ERG: variants seen among roughly 807,000 people sequenced by gnomAD.
ERG encodes the protein transcriptional regulator ERG.
ERG carries 9 observed loss-of-function variants against 55.3 expected under a neutral mutation model. The observed-to-expected ratio is 0.16, with a 90% CI of 0.10 to 0.28. The LOEUF (loss-of-function observed/expected upper bound fraction) is 0.28. Among genes scored for constraint, ERG ranks in the 10% least tolerant of loss-of-function variants. The pLI, the probability that ERG is intolerant of heterozygous loss-of-function variation, is 1.00. For synonymous variants in ERG, 223 were observed against 237.3 expected (o/e 0.94, Z 0.55); for missense variants, 434 against 631.6 (o/e 0.69, Z 3.35).
chr21:38,477,440 A>G (rs2059199463), intron 1 of ERG, among the ~76,000 whole-genome samples: 1 of 152,088 alleles, frequency 6.6e-6, no homozygotes, highest in East Asian at 1.9e-4. Flanking sequence ...CCGAGAAGTT[A>G]TTGGTTTTCA....
At chr21:38,514,093 C>T (rs1335495177) in intron 2 of ERG, among the ~76,000 whole-genome samples, 1 of 151,628 alleles carries the variant, frequency 6.6e-6, no homozygotes, top group African/African-American at 2.4e-5. Flanking sequence ...AAAACCTGAA[C>T]TCCTATAATT....
At chr21:38,505,153 G>A (rs1238231929) in intron 2 of ERG, among the ~76,000 whole-genome samples, 2 of 152,132 alleles carry the variant, frequency 1.3e-5, no homozygotes, top group Non-Finnish European at 1.5e-5. Flanking sequence ...ATGAAGCGAA[G>A]GCAAAAAATC....
At chr21:38,553,010 A>T (rs903346551) in intron 2 of ERG, among the ~76,000 whole-genome samples, 1 of 152,136 alleles carries the variant, frequency 6.6e-6, no homozygotes, top group Admixed American at 6.5e-5. Flanking sequence ...TACAAAATCA[A>T]TGTACAAAAA....
At chr21:38,582,567 T>A (rs545684045) in intron 1 of ERG, among the ~76,000 whole-genome samples, 3 of 152,224 alleles carry the variant, frequency 2.0e-5, no homozygotes, top group Admixed American at 6.5e-5. Flanking sequence ...AGTTGAACCA[T>A]TGTTTGATTA....
rs377018311 is a variant in ERG at position 38,423,781 on chromosome 21, A to G, written c.237-220T>C. On this transcript the variant is annotated intron_variant, in intron 2 of 9. Transcript: ENST00000288319. Reference sequence around the variant, plus strand: ...GGTGGGCGGATCATGAGGTCAAGAGATCCAGACCATCCTGGCCAACATGGT... The same window carrying G: ...GGTGGGCGGATCATGAGGTCAAGAGGTCCAGACCATCCTGGCCAACATGGT... Among the ~76,000 whole-genome samples, 39 of 152,082 alleles carry G rather than the reference A, an allele frequency of 2.6e-4. No individual in the cohort carries two copies. The East Asian group carries it at 6.8e-3, about 27-fold the overall frequency.
upstream of ERG, among the ~76,000 whole-genome samples, chr21:38,499,787 GAGA>G (rs914284715): frequency 5.5e-5 from 8 of 146,138 alleles, no homozygotes; most frequent in East Asian, 2.2e-4. Flanking sequence ...AGAAAAAATG[GAGA>G]AGGAGAAAGG....
intron 1 of ERG, among the ~76,000 whole-genome samples, chr21:38,653,348 A>G (rs1427506324): frequency 2.0e-5 from 3 of 152,256 alleles, no homozygotes; most frequent in South Asian, 4.1e-4. Flanking sequence ...TGCCTTTCCC[A>G]GGATCCGGAG....
chr21:38,621,610 A>G (rs1161407394), intron 1 of ERG, among the ~76,000 whole-genome samples: 1 of 152,150 alleles, frequency 6.6e-6, no homozygotes, highest in Non-Finnish European at 1.5e-5. Flanking sequence ...TGCTGTTACA[A>G]ATTACTGAGA....
chr21:38,546,581 T>G (rs1338314056), intron 2 of ERG, among the ~76,000 whole-genome samples: 2 of 152,180 alleles, frequency 1.3e-5, no homozygotes, highest in East Asian at 3.9e-4. Context: ...GATACACAGT[T>G]TTCGACTGCT....
chr21:38,519,267 A>G (rs902793348), intron 2 of ERG, among the ~76,000 whole-genome samples: 4 of 152,200 alleles, frequency 2.6e-5, no homozygotes, highest in Non-Finnish European at 5.9e-5. Context: ...TAATGAAAGA[A>G]TTTACAACGG....
rs1328372364 is a variant in ERG at position 38,380,328 on chromosome 21, A to G, written c.*3075T>C. ...ACATCTGTGCAGAAGGCTTAGGAGAAGCAGTGAGCCTTCTAACTGCAGCAG... is the reference window on the plus strand; with the variant it reads ...ACATCTGTGCAGAAGGCTTAGGAGAGGCAGTGAGCCTTCTAACTGCAGCAG... On this transcript the variant is annotated 3_prime_UTR_variant, in exon 10 of 10. Coordinates refer to ENST00000288319, the MANE Select transcript of ERG (RefSeq NM_182918.4). The G allele has an allele frequency of 9.5e-7, 1 of 1,057,256 alleles. No homozygotes were observed. The highest frequency in any genetic ancestry group is 1.7e-5 in the African/African-American group (1 of 60,598). The allele number at this position is 1,057,256 out of a possible 1,614,324, so 65.5% of individuals were successfully genotyped here.
chr21:38,529,504 AT>A (rs1420691820), intron 2 of ERG, among the ~76,000 whole-genome samples: 1 of 152,192 alleles, frequency 6.6e-6, no homozygotes, highest in African/African-American at 2.4e-5. Context: ...TGGTTATCCT[AT>A]TATTAATACT....
downstream of ERG, among the ~76,000 whole-genome samples, chr21:38,375,348 T>C (rs542278948): frequency 1.1e-4 from 16 of 152,356 alleles, no homozygotes; most frequent in African/African-American, 3.4e-4. Context: ...GGTGCATGCA[T>C]GTCTTGTCTT....
chr21:38,511,242 A>G (rs372577976), intron 2 of ERG, among the ~76,000 whole-genome samples: 3 of 152,356 alleles, frequency 2.0e-5, no homozygotes, highest in East Asian at 1.9e-4. Flanking sequence ...TTGAACATTC[A>G]ATCAATATTT....
intron 1 of ERG, among the ~76,000 whole-genome samples, chr21:38,636,882 T>C (rs2060392657): frequency 6.6e-6 from 1 of 152,188 alleles, no homozygotes; most frequent in South Asian, 2.1e-4. Context: ...AAAATATTTA[T>C]TAGGTAATAC....
At chr21:38,553,556 C>T (rs1281873992) in intron 2 of ERG, among the ~76,000 whole-genome samples, 3 of 152,096 alleles carry the variant, frequency 2.0e-5, no homozygotes, top group Admixed American at 1.3e-4. Context: ...TAATCTTCAA[C>T]AAAGTAGACA....
chr21:38,397,145 T>C (rs1988260213), intron 6 of ERG, among the ~76,000 whole-genome samples: 1 of 152,258 alleles, frequency 6.6e-6, no homozygotes, highest in East Asian at 1.9e-4. Flanking sequence ...TGGCAGGGCA[T>C]GTTCACATGT....
intron 2 of ERG, among the ~76,000 whole-genome samples, chr21:38,561,981 TA>T (rs780147682): frequency 6.6e-6 from 1 of 152,162 alleles, no homozygotes; most frequent in African/African-American, 2.4e-5. Flanking sequence ...TTTAAAATAA[TA>T]AAAAAACTTT....
At chr21:38,415,054 T>C (rs1023425415) in intron 3 of ERG, among the ~76,000 whole-genome samples, 7 of 152,228 alleles carry the variant, frequency 4.6e-5, no homozygotes, top group African/African-American at 1.4e-4. Context: ...TCTACAACAA[T>C]TTAACAAACA....
Sources: gnomAD v4.1 joint callset for allele counts (sites outside exome capture counted in the v4.1 genomes callset) on GRCh38, gnomAD v4.1.1 for gene constraint, MANE v1.5 for transcripts, NCBI Gene and HGNC (gene_info 2026-07-23, HGNC 2026-07-21) for gene names.